Variants in CDC73 observed in about 807,000 individuals in gnomAD.
The protein encoded by CDC73 is cell division cycle 73, also known as parafibromin.
Under a neutral mutation model 83.7 loss-of-function variants are expected in CDC73, and 21 were observed. That is an observed-to-expected ratio of 0.25 (90% CI 0.18 to 0.36). CDC73 has a LOEUF of 0.36. Among genes scored for constraint, CDC73 ranks in the 10% least tolerant of loss-of-function variants. The pLI, the probability that CDC73 is intolerant of heterozygous loss-of-function variation, is 1.00. For synonymous variants in CDC73, 224 were observed against 212.9 expected, an observed-to-expected ratio of 1.05 and a Z score of -0.45; for missense variants, 342 against 653.3, an observed-to-expected ratio of 0.52 and a Z score of 5.19.
At chr1:193,212,190 C>A in intron 12 of CDC73, 90 bp downstream of exon 12, 1 of 1,086,020 alleles carries the variant, frequency 9.2e-7, no homozygotes. Flanking sequence ...AGCTGTATCA[C>A]ATGTTTGTGC....
At chr1:193,219,322 A>T (rs1677424451) in intron 13 of CDC73, among the ~76,000 whole-genome samples, 1 of 152,236 alleles carries the variant, frequency 6.6e-6, no homozygotes, top group Admixed American at 6.5e-5. Flanking sequence ...CCACCATGGA[A>T]AGCAGTTTGC....
intron 2 of CDC73, among the ~76,000 whole-genome samples, chr1:193,128,993 ATTT>A (rs756040512): frequency 2.3e-5 from 3 of 128,916 alleles, no homozygotes; most frequent in Admixed American, 7.7e-5. Flanking sequence ...CGCCCGGCTA[ATTT>A]TTTTTTTTTT....
chr1:193,227,846 G>T lies in CDC73; in HGVS notation c.1155-5147G>T, dbSNP rs1349507088. ...GTTCAAATTTCTTGTGCAAGAGGAGGCATAGAAATAAAGTACTGTTGTTTG... is the reference window on the plus strand; with the variant it reads ...GTTCAAATTTCTTGTGCAAGAGGAGTCATAGAAATAAAGTACTGTTGTTTG... On this transcript the variant is annotated intron_variant, in intron 13 of 16. Transcript: ENST00000367435. 3.9e-5 allele frequency among the ~76,000 whole-genome samples: 6 copies of T among 152,284 alleles called. No homozygotes were observed. In the East Asian group the frequency reaches 1.2e-3, roughly 29 times the overall value.
At chr1:193,195,290 C>T (rs1676983101) in intron 10 of CDC73, among the ~76,000 whole-genome samples, 1 of 151,962 alleles carries the variant, frequency 6.6e-6, no homozygotes, top group Non-Finnish European at 1.5e-5. Flanking sequence ...TTTCGTTTAG[C>T]GTAATGTTTT....
intron 3 of CDC73, among the ~76,000 whole-genome samples, chr1:193,132,606 C>T (rs919030755): frequency 1.3e-5 from 2 of 151,512 alleles, no homozygotes; most frequent in African/African-American, 4.8e-5. Flanking sequence ...AGCCACTGTG[C>T]CCAGCCATTT....
intron 13 of CDC73, among the ~76,000 whole-genome samples, chr1:193,218,278 C>A (rs557343707): frequency 6.6e-6 from 1 of 152,048 alleles, no homozygotes; most frequent in Non-Finnish European, 1.5e-5. Context: ...ACAAACAAAT[C>A]GAAAAACATT....
intron 10 of CDC73, among the ~76,000 whole-genome samples, chr1:193,162,297 T>TCTATTATATTGTATGTAATATATAATAA: frequency 7.8e-6 from 1 of 127,516 alleles, no homozygotes; most frequent in Non-Finnish European, 1.6e-5. Flanking sequence ...TGATATATTA[T>TCTATTATATTGTATGTAATATATAATAA]ATATACTATA....
chr1:193,161,515 G>T (rs1423049775), intron 10 of CDC73, among the ~76,000 whole-genome samples: 1 of 140,374 alleles, frequency 7.1e-6, no homozygotes, highest in Non-Finnish European at 1.5e-5. Flanking sequence ...GATCAAATTA[G>T]AGTTTTATTT....
intron 10 of CDC73, among the ~76,000 whole-genome samples, chr1:193,193,764 C>CAACT (rs1397675301): frequency 6.5e-5 from 4 of 61,090 alleles, no homozygotes; most frequent in Admixed American, 5.3e-4. Context: ...CAGAACATTT[C>CAACT]AGCTGTCTTA....
chr1:193,172,625 G>A (rs1676534985), intron 10 of CDC73, among the ~76,000 whole-genome samples: 1 of 152,002 alleles, frequency 6.6e-6, no homozygotes, highest in Non-Finnish European at 1.5e-5. Context: ...TGGCCCACTT[G>A]CCTAAGTCAA....
intron 10 of CDC73, chr1:193,186,107 C>G (rs754730068): frequency 6.5e-6 from 1 of 153,026 alleles, no homozygotes; most frequent in Non-Finnish European, 1.5e-5. Flanking sequence ...AAGATGCTAT[C>G]GAACATGCGC....
intron 10 of CDC73, among the ~76,000 whole-genome samples, chr1:193,170,903 G>T (rs1447816227): frequency 9.9e-5 from 15 of 152,118 alleles, no homozygotes; most frequent in Non-Finnish European, 2.1e-4. Flanking sequence ...AGCAAAGGGG[G>T]CACAGCCACA....
At chr1:193,177,543 A>G (rs2103155189) in intron 10 of CDC73, among the ~76,000 whole-genome samples, 1 of 151,522 alleles carries the variant, frequency 6.6e-6, no homozygotes, top group Non-Finnish European at 1.5e-5. Flanking sequence ...AAAAAAAAAA[A>G]AAAAGAACAT....
At chr1:193,193,780 AGTGTGTGTGTGTGTGTGTGTGTGTGTGT>A (rs71111459) in intron 10 of CDC73, among the ~76,000 whole-genome samples, 1 of 135,838 alleles carries the variant, frequency 7.4e-6, no homozygotes, top group African/African-American at 2.8e-5. Flanking sequence ...TCTTACTTGT[AGTGTGTGTGTGTGTGTGTGTGTGTGTGT>A]GTGTGTGTGT....
At chr1:193,247,053 T>C (rs1677966101) in intron 15 of CDC73, among the ~76,000 whole-genome samples, 1 of 152,148 alleles carries the variant, frequency 6.6e-6, no homozygotes, top group African/African-American at 2.4e-5. Context: ...AATTTGTGCG[T>C]GTAAGGTACA....
Position 193,135,523 on chromosome 1 carries a change from T to C in CDC73, c.371-14T>C. 1 of 1,613,300 alleles carries C rather than the reference T, an allele frequency of 6.2e-7. No homozygotes were observed. Among genetic ancestry groups the C allele is most frequent in the Non-Finnish European group, 8.5e-7 (1 of 1,179,278 alleles). On this transcript the variant is annotated splice_polypyrimidine_tract_variant and intron_variant, in intron 4 of 16. Coordinates refer to ENST00000367435, the MANE Select transcript of CDC73 (RefSeq NM_024529.5). ...CCAAAACTACACATTTATTTACTTC[T>C]CTTTCTTTTATAGTCAAACGAGCTG...
chr1:193,176,249 C>T (rs1323572667), intron 10 of CDC73, among the ~76,000 whole-genome samples: 2 of 152,100 alleles, frequency 1.3e-5, no homozygotes, highest in South Asian at 2.1e-4. Context: ...GGAACATAGG[C>T]CCCTAAACCG....
At chr1:193,181,650 T>C (rs1470353511) in intron 10 of CDC73, 2 of 1,229,972 alleles carry the variant, frequency 1.6e-6, no homozygotes, top group African/African-American at 3.0e-5. Context: ...AATCATTTTC[T>C]AATTCAGTCA....
At chr1:193,144,112 CAAA>C (rs67477778) in intron 7 of CDC73, among the ~76,000 whole-genome samples, 5 of 64,384 alleles carry the variant, frequency 7.8e-5, no homozygotes, top group East Asian at 4.4e-4. Flanking sequence ...TCTGTCTCAC[CAAA>C]AAAAAAAAAA....
Sources: allele counts gnomAD v4.1 joint callset (sites outside exome capture counted in the v4.1 genomes callset), GRCh38; gene constraint gnomAD v4.1.1; transcripts MANE v1.5; gene names NCBI Gene and HGNC (gene_info 2026-07-23, HGNC 2026-07-21).